PRPF8: variants seen among roughly 807,000 people sequenced by gnomAD.
The protein encoded by PRPF8 is pre-mRNA processing factor 8.
In PRPF8, 64 loss-of-function variants were observed where a neutral mutation model predicts 285.9. That is an observed-to-expected ratio of 0.22 (90% CI 0.18 to 0.28). The LOEUF (loss-of-function observed/expected upper bound fraction) is 0.28, where lower values mean the gene tolerates loss of function less well. Ranked by LOEUF, PRPF8 falls within the 10% of genes least tolerant of loss-of-function variation. The probability of loss-of-function intolerance (pLI) is 1.00; values close to 1 mark genes in which losing one functional copy is unlikely to be tolerated. For synonymous variants in PRPF8, 1,325 were observed against 1,118.2 expected, an observed-to-expected ratio of 1.18 and a Z score of -3.69; for missense variants, 1,426 against 3,026.7, an observed-to-expected ratio of 0.47 and a Z score of 12.41.
At position 1,673,141 on chromosome 17, in the gene PRPF8, C is replaced by T; in HGVS notation, c.3714G>A (p.Gln1238=). 6.2e-7 allele frequency: 1 copy of T among 1,614,232 alleles called. No individual in the cohort carries two copies. The highest frequency in any genetic ancestry group is 1.1e-5 in the South Asian group (1 of 91,078). The change falls in exon 24 of 43, where the codon CAG becomes CAA. Residue 1238 remains glutamine, a synonymous_variant. Transcript: ENST00000304992. The surrounding 1 kb of genome is among the most constrained non-coding windows in gnomAD (Gnocchi z 5.5). The stretch of plus-strand genomic sequence containing the variant: ...TCTGACGCACGCGGTTGTGGAAGCG[C>T]TGCATTGACTCATCGTCCACACGCA... ...CFLRVDDESM[Q]RFHNRVRQIL... is the part of the protein sequence containing the mutation.
Position 1,675,997 on chromosome 17 carries a change from G to A in PRPF8, c.2610C>T (p.Ala870=). Residue 870 remains alanine, a synonymous_variant, in exon 18 of 43, where the codon GCC becomes GCT. Transcript: ENST00000304992. This position sits in a 1 kb window ranked among gnomAD's most constrained non-coding sequence, Gnocchi z 6.0. ...ACAGCGCCTCGTGGGGGTTATCGTAGGCCTGCTCGATCAGACCTAGCTCCT... is the reference window on the plus strand; with the variant it reads ...ACAGCGCCTCGTGGGGGTTATCGTAAGCCTGCTCGATCAGACCTAGCTCCT... The part of the protein sequence containing the change: ...QREELGLIEQ[A]YDNPHEALSR... 2 of 1,613,876 alleles carry A rather than the reference G, an allele frequency of 1.2e-6. No homozygotes were observed. The highest frequency in any genetic ancestry group is 1.7e-6 in the Non-Finnish European group (2 of 1,180,020).
chr17:1,653,864 A>G lies in PRPF8; in HGVS notation c.6140T>C (p.Val2047Ala). Residue 2047 changes from valine (V) to alanine (A), a missense_variant, in exon 38 of 43, where the codon GTC becomes GCC. By Grantham distance (64) the Val-to-Ala change is moderately conservative (BLOSUM62 0). Around this residue, in one of 34 missense-constraint regions of PRPF8, gnomAD observed 160 missense variants for 373.7 expected, o/e 0.43. Transcript: ENST00000304992. The surrounding 1 kb of genome is among the most constrained non-coding windows in gnomAD (Gnocchi z 4.9). ...GATGATCTCATCGCCATGCTTGTTGACAGTGCGAGTCTGTGTTGCCGTCAG... is the reference window on the plus strand; with the variant it reads ...GATGATCTCATCGCCATGCTTGTTGGCAGTGCGAGTCTGTGTTGCCGTCAG... Reference protein sequence around the residue: ...SQLTATQTRTVNKHGDEIITS... With the variant: ...SQLTATQTRTANKHGDEIITS... 6.2e-7 allele frequency: 1 copy of G among 1,614,080 alleles called. No individual in the cohort carries two copies. The highest frequency in any genetic ancestry group is 8.5e-7 in the Non-Finnish European group (1 of 1,180,012).
intron 24 of PRPF8, among the ~76,000 whole-genome samples, chr17:1,663,227 G>C (rs1032885435): frequency 3.3e-5 from 5 of 151,836 alleles, no homozygotes; most frequent in African/African-American, 1.2e-4. Flanking sequence ...CCAAATAAGT[G>C]AAAAGTGGAG....
At position 1,677,185 on chromosome 17, in the gene PRPF8, T is replaced by G. The variant is rs1411222226; in HGVS notation, c.1985-13A>C. The G allele has an allele frequency of 1.2e-6, 2 of 1,612,020 alleles. No homozygotes were observed. The highest frequency in any genetic ancestry group is 1.7e-6 in the Non-Finnish European group (2 of 1,179,510). On this transcript the variant is annotated splice_polypyrimidine_tract_variant and intron_variant, in intron 14 of 42. Transcript: ENST00000304992. Reference sequence around the variant, plus strand: ...TTTGAGTGTCGACCTGGAAGTAGAGTGTCCCAAGGGGATTACAAGGAAGAT... The same window carrying G: ...TTTGAGTGTCGACCTGGAAGTAGAGGGTCCCAAGGGGATTACAAGGAAGAT...
intron 39 of PRPF8, among the ~76,000 whole-genome samples, chr17:1,652,413 A>G (rs1567674845): frequency 1.3e-5 from 2 of 151,744 alleles, no homozygotes; most frequent in Non-Finnish European, 2.9e-5. Flanking sequence ...TAATTTTCAT[A>G]TATTTAAGAG....
Position 1,651,943 on chromosome 17 carries a change from G to T in PRPF8, c.6370-155C>A. The T allele has an allele frequency of 1.0e-6, 1 of 961,466 alleles. No individual in the cohort carries two copies. The highest frequency in any genetic ancestry group is 1.6e-6 in the Non-Finnish European group (1 of 617,226). The allele number at this position is 961,466 out of a possible 1,614,324, so 59.6% of individuals were successfully genotyped here. ...TGTATCAGAATCAGCTGGGGTGCTT[G>T]TTCAAAATGTTAGACATGGACCTCA... On this transcript the variant is annotated intron_variant, in intron 39 of 42. Coordinates refer to ENST00000304992, the MANE Select transcript of PRPF8 (RefSeq NM_006445.4). The surrounding 1 kb of genome is among the most constrained non-coding windows in gnomAD (Gnocchi z 5.1).
At chr17:1,674,808 T>C in intron 20 of PRPF8, 128 bp from the exon 21 acceptor site, 4 of 1,004,020 alleles carry the variant, frequency 4.0e-6, no homozygotes, top group Non-Finnish European at 6.2e-6. Flanking sequence ...TTGTGCTCAG[T>C]CACCCAGGCT....
At position 1,679,811 on chromosome 17, in the gene PRPF8, A is replaced by G. The variant is rs773148678; in HGVS notation, c.1099-12T>C. ...AATGGTTCCTGGCTCTGAAAAAGGA[A>G]TCCCTCTAAGGGTTTAGCTCCTGCT... On this transcript the variant is annotated splice_polypyrimidine_tract_variant and intron_variant, in intron 8 of 42. Transcript: ENST00000304992. The surrounding 1 kb of genome is among the most constrained non-coding windows in gnomAD (Gnocchi z 4.7). 3.1e-6 allele frequency: 5 copies of G among 1,614,170 alleles called. No individual in the cohort carries two copies. The highest frequency in any genetic ancestry group is 1.7e-5 in the Admixed American group (1 of 60,016).
chr17:1,669,512 T>C (rs1912191610), intron 24 of PRPF8, among the ~76,000 whole-genome samples: 1 of 152,174 alleles, frequency 6.6e-6, no homozygotes, highest in African/African-American at 2.4e-5. Context: ...CAGCTCCCTC[T>C]AGGTGGCATC....
chr17:1,680,855 C>G, intron 7 of PRPF8, 24 bp from the exon 8 acceptor site: 1 of 1,613,956 alleles, frequency 6.2e-7, no homozygotes, highest in Non-Finnish European at 8.5e-7. Context: ...AAGAGTCAGC[C>G]AAAGTTTTCC....
At chr17:1,684,222 TTC>T (rs766429772) in intron 2 of PRPF8, among the ~76,000 whole-genome samples, 3 of 152,182 alleles carry the variant, frequency 2.0e-5, no homozygotes, top group Non-Finnish European at 2.9e-5. Context: ...GGTTTTGTTA[TTC>T]TCTGTCTCTC....
Position 1,662,094 on chromosome 17 carries a change from C to T in PRPF8, c.3834G>A (p.Val1278=). Residue 1278 remains valine (V), a synonymous_variant, in exon 25 of 43, where the codon GTG becomes GTA. Transcript: ENST00000304992. Reference sequence around the variant, plus strand: ...AGTCCAAGAGCTCTTGGGTGTTCACCACAGCCTCCCGAAAGTATGTCATAA... The same window carrying T: ...AGTCCAAGAGCTCTTGGGTGTTCACTACAGCCTCCCGAAAGTATGTCATAA... ...IGLMTYFREA[V]VNTQELLDLL... is the part of the protein sequence containing the mutation. The T allele has an allele frequency of 2.5e-6, 4 of 1,614,076 alleles. No homozygotes were observed. The highest frequency in any genetic ancestry group is 3.4e-6 in the Non-Finnish European group (4 of 1,180,022).
chr17:1,674,163 C>T (rs561664981), intron 21 of PRPF8, among the ~76,000 whole-genome samples: 14 of 152,300 alleles, frequency 9.2e-5, no homozygotes, highest in African/African-American at 2.4e-4. Context: ...GCTGGGACTA[C>T]AGGCACCCGC....
chr17:1,653,884 C>T lies in PRPF8; in HGVS notation c.6120G>A (p.Thr2040=), dbSNP rs761118301. ...EKQTKEQSQL[T]ATQTRTVNKH... Reference sequence around the variant, plus strand: ...TGTTGACAGTGCGAGTCTGTGTTGCCGTCAGCTGCGATTGTTCCTTGGTCT... The same window carrying T: ...TGTTGACAGTGCGAGTCTGTGTTGCTGTCAGCTGCGATTGTTCCTTGGTCT... Residue 2040 remains threonine, a synonymous_variant, in exon 38 of 43, where the codon ACG becomes ACA. Transcript: ENST00000304992. This position sits in a 1 kb window ranked among gnomAD's most constrained non-coding sequence, Gnocchi z 4.9. 1.1e-5 allele frequency: 17 copies of T among 1,613,976 alleles called. No individual in the cohort carries two copies. Among genetic ancestry groups the T allele is most frequent in the East Asian group, 8.9e-5 (4 of 44,896 alleles).
At position 1,681,045 on chromosome 17, in the gene PRPF8, G is replaced by T; in HGVS notation, c.876C>A (p.Asp292Glu). Residue 292 changes from aspartate (D) to glutamate (E), a missense_variant, in exon 7 of 43, where the codon GAC (aspartate) becomes GAA (glutamate). Physicochemically the swap from Asp to Glu is conservative, Grantham distance 45. Around this residue, in one of 34 missense-constraint regions of PRPF8, gnomAD observed 157 missense variants for 159.6 expected, o/e 0.98. Coordinates refer to ENST00000304992, the MANE Select transcript of PRPF8 (RefSeq NM_006445.4). The part of the protein sequence containing the change: ...LVRDINLQDE[D>E]WNEFNDINKI... ...TGTTAATATCATTGAATTCATTCCA[G>T]TCTTCATCCCTAGGGTACAACATCA... The T allele has an allele frequency of 6.2e-7, 1 of 1,613,162 alleles. No individual in the cohort carries two copies. The highest frequency in any genetic ancestry group is 8.5e-7 in the Non-Finnish European group (1 of 1,179,438).
Position 1,658,395 on chromosome 17 carries a change from G to A in PRPF8, c.5377-14C>T, listed in dbSNP as rs779955775. ...CCCTTCAAAGGTCTAGAGGAGGACG[G>A]CATTCGTTAGCATGGCCTACACAAC... On this transcript the variant is annotated splice_polypyrimidine_tract_variant and intron_variant, in intron 33 of 42. Coordinates refer to ENST00000304992, the MANE Select transcript of PRPF8 (RefSeq NM_006445.4). The surrounding 1 kb of genome is among the most constrained non-coding windows in gnomAD (Gnocchi z 4.1). 1.9e-6 allele frequency: 3 copies of A among 1,614,164 alleles called. No individual in the cohort carries two copies. Among genetic ancestry groups the A allele is most frequent in the South Asian group, 2.2e-5 (2 of 91,076 alleles).
In PRPF8 at chr17:1,651,862, T is replaced by TCCTTC. The variant is rs1911092362; in HGVS notation, c.6370-79_6370-75dup. The TCCTTC allele has an allele frequency of 6.5e-7, 1 of 1,547,152 alleles. No individual in the cohort carries two copies. Among genetic ancestry groups the TCCTTC allele is most frequent in the Non-Finnish European group, 8.9e-7 (1 of 1,122,682 alleles). On this transcript the variant is annotated intron_variant, in intron 39 of 42. Transcript: ENST00000304992. This position sits in a 1 kb window ranked among gnomAD's most constrained non-coding sequence, Gnocchi z 5.1. ...GAGTTGGAGCTGCCAGCCCTCTGTT[T>TCCTTC]CCTTCCTTCCCCCAAGAACGAGGAC...
At chr17:1,682,399 T>A in intron 3 of PRPF8, 106 bp from the exon 4 acceptor site, 1 of 1,439,246 alleles carries the variant, frequency 6.9e-7, no homozygotes, top group Non-Finnish European at 9.7e-7. Flanking sequence ...TACCTTACAA[T>A]CCAAACTCCC....
chr17:1,676,161 CCTG>C lies in PRPF8; in HGVS notation c.2552+43_2552+45del. 1 of 1,612,444 alleles carries C rather than the reference CCTG, an allele frequency of 6.2e-7. No homozygotes were observed. The highest frequency in any genetic ancestry group is 2.2e-5 in the East Asian group (1 of 44,882). The stretch of plus-strand genomic sequence containing the variant: ...TTGGACTCTGAGGATGACGCCATTC[CCTG>C]CTGTCACCTTCCCAGCAGGAACCTA... On this transcript the variant is annotated intron_variant, in intron 17 of 42. Coordinates refer to ENST00000304992, the MANE Select transcript of PRPF8 (RefSeq NM_006445.4). This position sits in a 1 kb window ranked among gnomAD's most constrained non-coding sequence, Gnocchi z 6.3.
Sources: gnomAD v4.1 joint callset for allele counts (sites outside exome capture counted in the v4.1 genomes callset) on GRCh38, gnomAD v4.1.1 for gene constraint, gnomAD v4.1.1 regional missense constraint, Gnocchi (gnomAD v3.1) non-coding constraint, MANE v1.5 for transcripts, NCBI Gene and HGNC (gene_info 2026-07-23, HGNC 2026-07-21) for gene names.